Variants in IQCH observed in about 807,000 individuals in gnomAD.
IQCH encodes IQ domain-containing protein H.
IQCH carries 98 observed loss-of-function variants against 117.0 expected under a neutral mutation model. The ratio of observed to expected loss-of-function variants is 0.84; its 90% CI spans 0.71 to 0.99. The LOEUF is 0.99. IQCH is among the 50% of genes least tolerant of loss of function. The pLI, the probability that IQCH is intolerant of heterozygous loss-of-function variation, is 0.00. For synonymous variants in IQCH, 412 were observed against 448.2 expected (o/e 0.92, Z 1.02); for missense variants, 1,102 against 1,243.8 (o/e 0.89, Z 1.72).
rs549646491 is a variant in IQCH, at chr15:67,373,388, C to T, written c.1327C>T (p.Arg443Cys). 5.6e-6 allele frequency: 9 copies of T among 1,612,510 alleles called. No homozygotes were observed. Among genetic ancestry groups the T allele is most frequent in the Middle Eastern group, 3.3e-4 (2 of 6,054 alleles). The stretch of plus-strand genomic sequence containing the variant: ...TTAGCATCTGGCAGCCAACTGGAAT[C>T]GCATCAGGACCTCCAGGAGGACTAT... ...RAKHLAANWN[R>C]IRTSRRTIIH... is the part of the protein sequence containing the mutation. The change falls in exon 10 of 21, where the codon CGC becomes TGC. Residue 443 changes from arginine (R) to cysteine (C), a missense_variant. By Grantham distance (180) the Arg-to-Cys change is radical (BLOSUM62 -3). Coordinates refer to ENST00000335894, the MANE Select transcript of IQCH (RefSeq NM_001031715.3).
At chr15:67,434,363 A>C (rs1266367005) in intron 16 of IQCH, among the ~76,000 whole-genome samples, 2 of 152,200 alleles carry the variant, frequency 1.3e-5, no homozygotes, top group Admixed American at 1.3e-4. Context: ...TATTTCACTT[A>C]GCATATTATC....
chr15:67,350,895 A>C (rs1460341768), intron 6 of IQCH, among the ~76,000 whole-genome samples: 1 of 152,148 alleles, frequency 6.6e-6, no homozygotes, highest in Admixed American at 6.6e-5. Flanking sequence ...CTTGACATGA[A>C]AGGAAAGCAT....
chr15:67,419,699 G>A (rs2081675794), intron 15 of IQCH, among the ~76,000 whole-genome samples: 1 of 152,066 alleles, frequency 6.6e-6, no homozygotes, highest in Non-Finnish European at 1.5e-5. Context: ...TACTACAGGC[G>A]CACACCCCCA....
intron 4 of IQCH, among the ~76,000 whole-genome samples, chr15:67,316,617 A>C (rs1967858360): frequency 6.6e-6 from 1 of 152,202 alleles, no homozygotes; most frequent in African/African-American, 2.4e-5. Context: ...TGAGTTGGGC[A>C]TGGTGTTAAG....
intron 6 of IQCH, among the ~76,000 whole-genome samples, chr15:67,351,029 A>G (rs981158908): frequency 6.6e-6 from 1 of 152,156 alleles, no homozygotes; most frequent in African/African-American, 2.4e-5. Flanking sequence ...TATGCTGCAC[A>G]TCACTGAATT....
intron 4 of IQCH, among the ~76,000 whole-genome samples, chr15:67,299,499 T>G (rs1966917311): frequency 6.6e-6 from 1 of 152,138 alleles, no homozygotes; most frequent in Non-Finnish European, 1.5e-5. Context: ...CCATTTCCCC[T>G]GATGTGATGT....
intron 18 of IQCH, among the ~76,000 whole-genome samples, chr15:67,478,961 A>G (rs2083278668): frequency 4.6e-5 from 7 of 152,158 alleles, no homozygotes; most frequent in Admixed American, 4.6e-4. Flanking sequence ...AAAGGCGCAG[A>G]TAATAAACAG....
intron 1 of IQCH, 195 bp downstream of exon 1, chr15:67,255,142 AG>A (rs1228788233): frequency 1.6e-6 from 1 of 617,680 alleles, no homozygotes; most frequent in Non-Finnish European, 2.9e-6. Context: ...CTTACCCTGT[AG>A]GTTACGCCCC....
intron 4 of IQCH, among the ~76,000 whole-genome samples, chr15:67,284,276 A>G (rs553312789): frequency 1.6e-3 from 244 of 152,272 alleles, no homozygotes; most frequent in Admixed American, 2.9e-3. Flanking sequence ...GCTCCCACAA[A>G]TAAATAAAAA....
At chr15:67,470,471 C>T (rs2083045269) in intron 17 of IQCH, among the ~76,000 whole-genome samples, 1 of 152,172 alleles carries the variant, frequency 6.6e-6, no homozygotes, top group Non-Finnish European at 1.5e-5. Flanking sequence ...AGCCACTGCG[C>T]CTGGCTGGAG....
intron 14 of IQCH, among the ~76,000 whole-genome samples, chr15:67,414,991 A>G (rs2081541193): frequency 6.6e-6 from 1 of 152,210 alleles, no homozygotes; most frequent in South Asian, 2.1e-4. Flanking sequence ...GCCGTGTTTC[A>G]TTGTCCCAGC....
chr15:67,369,547 AG>A lies in IQCH; in HGVS notation c.754-2562del, dbSNP rs937772694. Among the ~76,000 whole-genome samples the A allele has an allele frequency of 9.2e-5, 14 of 151,808 alleles. No individual in the cohort carries two copies. Among genetic ancestry groups the A allele is most frequent in the Non-Finnish European group, 1.8e-4 (12 of 67,886 alleles). Reference sequence around the variant, plus strand: ...GGGGAAAGAAGGGAAGGAGGGAGGGAGGAAGGAAGAAAAGGAAGGAGGGAGG... The same window carrying A: ...GGGGAAAGAAGGGAAGGAGGGAGGGAGAAGGAAGAAAAGGAAGGAGGGAGG... On this transcript the variant is annotated intron_variant, in intron 8 of 20. Coordinates refer to ENST00000335894, the MANE Select transcript of IQCH (RefSeq NM_001031715.3). This position sits in a 1 kb window ranked among gnomAD's most constrained non-coding sequence, Gnocchi z 5.2.
chr15:67,396,581 A>G (rs1971478443), intron 13 of IQCH, among the ~76,000 whole-genome samples: 1 of 152,238 alleles, frequency 6.6e-6, no homozygotes, highest in African/African-American at 2.4e-5. Flanking sequence ...AGAGAAAATT[A>G]AAAGACAAAT....
At chr15:67,442,200 C>T (rs1225767627) in intron 16 of IQCH, among the ~76,000 whole-genome samples, 2 of 152,046 alleles carry the variant, frequency 1.3e-5, no homozygotes, top group Non-Finnish European at 2.9e-5. Context: ...CACCTGAGGT[C>T]AGGAGTTGGA....
In IQCH at chr15:67,472,973, A is replaced by G. The variant is rs1045324071; in HGVS notation, c.2677-2723A>G. On this transcript the variant is annotated intron_variant, in intron 17 of 20. Transcript: ENST00000335894. The surrounding 1 kb of genome is among the most constrained non-coding windows in gnomAD (Gnocchi z 4.3). ...GTCTAGTAATCATGTACTACTGGAC[A>G]GTAAGCTCTTCTGCTGTGCTTTGGA... 2.0e-5 allele frequency among the ~76,000 whole-genome samples: 3 copies of G among 152,330 alleles called. No individual in the cohort carries two copies. Among genetic ancestry groups the G allele is most frequent in the African/African-American group, 7.2e-5 (3 of 41,580 alleles).
chr15:67,255,273 A>C, intron 1 of IQCH: 1 of 376,966 alleles, frequency 2.7e-6, no homozygotes, highest in Non-Finnish European at 4.9e-6. Context: ...GAAAAATTTG[A>C]ACCCATGACG....
At position 67,494,859 on chromosome 15, in the gene IQCH, T is replaced by C. The variant is rs546672517; in HGVS notation, c.2970+493T>C. On this transcript the variant is annotated intron_variant, in intron 20 of 20. Coordinates refer to ENST00000335894, the MANE Select transcript of IQCH (RefSeq NM_001031715.3). This position sits in a 1 kb window ranked among gnomAD's most constrained non-coding sequence, Gnocchi z 5.5. ...ATGTGGGCCATCTACCCCACCCGTT[T>C]CTCCACCGTGGGTTGGATTATTTCA... Among the ~76,000 whole-genome samples, 1 of 152,286 alleles carries C rather than the reference T, an allele frequency of 6.6e-6. No homozygotes were observed. Among genetic ancestry groups the C allele is most frequent in the South Asian group, 2.1e-4 (1 of 4,818 alleles).
chr15:67,279,515 A>G lies in IQCH; in HGVS notation c.387+3A>G, dbSNP rs1249028339. On this transcript the variant is annotated splice_donor_region_variant and intron_variant, in intron 4 of 20. Transcript: ENST00000335894. The stretch of plus-strand genomic sequence containing the variant: ...TGCCTGTCTTTCCAAGAGCAAAGGT[A>G]GGTATAGAGAAATTCATAGAGACAG... The G allele has an allele frequency of 1.3e-6, 2 of 1,539,532 alleles. No individual in the cohort carries two copies. Among genetic ancestry groups the G allele is most frequent in the Non-Finnish European group, 1.8e-6 (2 of 1,121,654 alleles).
rs971999957 is a variant in IQCH at position 67,381,347 on chromosome 15, G to A, written c.1373-3589G>A. Among the ~76,000 whole-genome samples, 1 of 152,216 alleles carries A rather than the reference G, an allele frequency of 6.6e-6. No homozygotes were observed. Among genetic ancestry groups the A allele is most frequent in the Non-Finnish European group, 1.5e-5 (1 of 68,034 alleles). On this transcript the variant is annotated intron_variant, in intron 10 of 20. Transcript: ENST00000335894. This position sits in a 1 kb window ranked among gnomAD's most constrained non-coding sequence, Gnocchi z 5.1. ...GAAGTAGTAGATGAGTAACTTCAGA[G>A]AGGCAGCTCTCAGGTAAGCTTCTTT... is the stretch of plus-strand genomic sequence containing the variant.
Sources: gnomAD v4.1 joint callset for allele counts (sites outside exome capture counted in the v4.1 genomes callset) on GRCh38, gnomAD v4.1.1 for gene constraint, Gnocchi (gnomAD v3.1) non-coding constraint, MANE v1.5 for transcripts, NCBI Gene and HGNC (gene_info 2026-07-23, HGNC 2026-07-21) for gene names.